ZNF609: variants seen among roughly 807,000 people sequenced by gnomAD.
ZNF609 encodes the protein zinc finger protein 609.
Under a neutral mutation model 109.5 loss-of-function variants are expected in ZNF609, and 11 were observed. The ratio of observed to expected loss-of-function variants is 0.10; its 90% CI spans 0.06 to 0.17. The LOEUF (loss-of-function observed/expected upper bound fraction) is 0.17. Ranked by LOEUF, ZNF609 falls within the 10% of genes least tolerant of loss-of-function variation. The pLI, the probability that ZNF609 is intolerant of heterozygous loss-of-function variation, is 1.00. For missense variants in ZNF609, 1,559 were observed against 1,772.4 expected, an observed-to-expected ratio of 0.88 and a Z score of 2.16; for synonymous variants, 646 against 662.0, an observed-to-expected ratio of 0.98 and a Z score of 0.37.
intron 2 of ZNF609, among the ~76,000 whole-genome samples, chr15:64,597,879 A>G (rs1895424569): frequency 6.6e-6 from 1 of 152,064 alleles, no homozygotes; most frequent in Non-Finnish European, 1.5e-5. Flanking sequence ...CTTATATGTC[A>G]CACTATTCTC....
chr15:64,520,207 C>T (rs1893871758), intron 2 of ZNF609, among the ~76,000 whole-genome samples: 1 of 152,022 alleles, frequency 6.6e-6, no homozygotes, highest in Non-Finnish European at 1.5e-5. Flanking sequence ...TTTTCAACAA[C>T]AACACTATTG....
intron 8 of ZNF609, 131 bp downstream of exon 8, chr15:64,680,993 T>G (rs564561418): frequency 9.1e-4 from 904 of 997,946 alleles, no homozygotes; most frequent in Non-Finnish European, 1.2e-3. Flanking sequence ...TTTTTTTTTT[T>G]GAGCTTCTAA....
chr15:64,667,307 T>C (rs557382956), intron 3 of ZNF609, among the ~76,000 whole-genome samples: 3 of 152,324 alleles, frequency 2.0e-5, no homozygotes, highest in African/African-American at 7.2e-5. Flanking sequence ...ACTAGAGATA[T>C]GTCCTAGAAG....
intron 2 of ZNF609, among the ~76,000 whole-genome samples, chr15:64,511,682 A>C (rs1893733262): frequency 1.3e-5 from 2 of 151,780 alleles, no homozygotes; most frequent in Non-Finnish European, 2.9e-5. Context: ...CTACTGGATA[A>C]AATCTTTGTG....
chr15:64,528,235 C>T (rs901340725), intron 2 of ZNF609, among the ~76,000 whole-genome samples: 8 of 151,616 alleles, frequency 5.3e-5, no homozygotes, highest in African/African-American at 1.9e-4. Context: ...GTAGGTGGGA[C>T]TACAGGTGCG....
At chr15:64,638,510 T>G (rs1896210767) in intron 3 of ZNF609, among the ~76,000 whole-genome samples, 1 of 152,008 alleles carries the variant, frequency 6.6e-6, no homozygotes, top group African/African-American at 2.4e-5. Context: ...TCCTTTTACT[T>G]AAGCTAGTAA....
chr15:64,651,573 A>G (rs1214096642), intron 3 of ZNF609, among the ~76,000 whole-genome samples: 1 of 152,218 alleles, frequency 6.6e-6, no homozygotes, highest in African/African-American at 2.4e-5. Context: ...GATGCCTGCT[A>G]TTATGAGGGA....
rs1353782917 is a variant in ZNF609, at chr15:64,609,066, T to TTC, written c.748-13759_748-13758dup. Among the ~76,000 whole-genome samples, 13 of 23,038 alleles carry TTC rather than the reference T, an allele frequency of 5.6e-4. No individual in the cohort carries two copies. The East Asian group carries it at 0.013, about 22-fold the overall frequency. 15.1% of individuals were successfully genotyped at this position (23,038 alleles called of 152,430 possible). On this transcript the variant is annotated intron_variant, in intron 2 of 9. Coordinates refer to ENST00000326648, the MANE Select transcript of ZNF609 (RefSeq NM_015042.2). ...TACTTGCATGTTTTAGTTTTAATTT[T>TTC]TCTTTCTTTCTTTCTTTCTTTCTTT...
At chr15:64,563,872 C>T (rs1200369638) in intron 2 of ZNF609, among the ~76,000 whole-genome samples, 3 of 152,076 alleles carry the variant, frequency 2.0e-5, no homozygotes, top group African/African-American at 4.8e-5. Flanking sequence ...AGGCGTGAGT[C>T]GCCGTGCCCG....
chr15:64,600,067 G>A (rs182149796), intron 2 of ZNF609, among the ~76,000 whole-genome samples: 12 of 152,196 alleles, frequency 7.9e-5, no homozygotes, highest in African/African-American at 2.9e-4. Context: ...TCATGCCTGT[G>A]GTCCCAACAG....
At chr15:64,541,280 G>A (rs11856168) in intron 2 of ZNF609, among the ~76,000 whole-genome samples, 126,590 of 150,328 alleles carry the variant, frequency 0.84, 55,254 homozygotes, top group East Asian at 0.96. Flanking sequence ...ACAAAACATT[G>A]GCCGGGCGTG....
At chr15:64,535,040 CA>C (rs761161406) in intron 2 of ZNF609, among the ~76,000 whole-genome samples, 82 of 133,346 alleles carry the variant, frequency 6.1e-4, no homozygotes, top group Non-Finnish European at 7.0e-4. Flanking sequence ...ACTCCGTCTC[CA>C]AAAAAAAAAA....
intron 3 of ZNF609, among the ~76,000 whole-genome samples, chr15:64,640,286 T>A (rs1402974361): frequency 2.0e-5 from 3 of 152,134 alleles, no homozygotes; most frequent in Admixed American, 1.3e-4. Context: ...CAGCCTCCCA[T>A]CTTGGCCTCC....
At chr15:64,670,284 A>T in intron 3 of ZNF609, 62 bp from the exon 4 acceptor site, 1 of 1,363,954 alleles carries the variant, frequency 7.3e-7, no homozygotes, top group Non-Finnish European at 1.0e-6. Flanking sequence ...GATCAAAAGA[A>T]TACTATTCTC....
chr15:64,582,099 A>G lies in ZNF609; in HGVS notation c.748-40728A>G, dbSNP rs114975038. On this transcript the variant is annotated intron_variant, in intron 2 of 9. Coordinates refer to ENST00000326648, the MANE Select transcript of ZNF609 (RefSeq NM_015042.2). ...TTTTGACCTCTATCCTGTCTCAGCT[A>G]CTACTCCCATAGTCGTACTCTAGAC... 4.6e-3 allele frequency among the ~76,000 whole-genome samples: 698 copies of G among 152,270 alleles called. 4 individuals carry two copies. Among genetic ancestry groups the G allele is most frequent in the African/African-American group, 0.016 (675 of 41,552 alleles).
At chr15:64,460,545 G>A (rs1239919146), upstream of ZNF609, among the ~76,000 whole-genome samples, 2 of 152,126 alleles carry the variant, frequency 1.3e-5, no homozygotes, top group Non-Finnish European at 2.9e-5. Context: ...CGAGGGCCTG[G>A]CAGTCCAGTG....
chr15:64,554,637 A>G (rs1894546395), intron 2 of ZNF609, among the ~76,000 whole-genome samples: 2 of 152,108 alleles, frequency 1.3e-5, no homozygotes, highest in South Asian at 4.1e-4. Context: ...CAGACTGGGC[A>G]ACAGATCAAG....
intron 1 of ZNF609, among the ~76,000 whole-genome samples, chr15:64,476,569 G>A (rs1893173277): frequency 6.6e-6 from 1 of 152,134 alleles, no homozygotes; most frequent in African/African-American, 2.4e-5. Flanking sequence ...AGAGAGAAAG[G>A]CAATGTCTAC....
chr15:64,476,873 C>T (rs184871334), intron 1 of ZNF609, among the ~76,000 whole-genome samples: 3 of 152,258 alleles, frequency 2.0e-5, no homozygotes, highest in African/African-American at 7.2e-5. Flanking sequence ...CTTCTCTCTT[C>T]TTAGTGAGGC....
Sources: gnomAD v4.1 joint callset for allele counts (sites outside exome capture counted in the v4.1 genomes callset) on GRCh38, gnomAD v4.1.1 for gene constraint, MANE v1.5 for transcripts, NCBI Gene and HGNC (gene_info 2026-07-23, HGNC 2026-07-21) for gene names.